The following LRRIQ1 variants were observed in gnomAD, a reference collection of about 807,000 sequenced individuals.
LRRIQ1 encodes leucine rich repeats and IQ motif containing 1, also known as leucine-rich repeat- and IQ domain-containing protein 1.
Under a neutral mutation model 211.9 loss-of-function variants are expected in LRRIQ1, and 210 were observed. The ratio of observed to expected loss-of-function variants is 0.99; its 90% CI spans 0.89 to 1.11. The LOEUF (loss-of-function observed/expected upper bound fraction) is 1.11. Ranked by LOEUF, LRRIQ1 falls within the 50% of genes most tolerant of loss-of-function variation. The probability of loss-of-function intolerance (pLI) is 0.00; values close to 1 mark genes in which losing one functional copy is unlikely to be tolerated. For missense variants in LRRIQ1, 2,136 were observed against 1,939.5 expected (o/e 1.10, Z -1.90); for synonymous variants, 699 against 650.1 (o/e 1.08, Z -1.14).
Position 85,153,664 on chromosome 12 carries a change from T to A in LRRIQ1, c.4543T>A (p.Ser1515Thr). ...AAAGTGGTTTTTTTCTATTGCCAGA[T>A]CAGAAAATAAAACTTCTTCCTGGAC... Reference protein sequence around the residue: ...SSEHTQFNSRSENKTSSWTPE... With the variant: ...SSEHTQFNSRTENKTSSWTPE... Residue 1515 changes from serine (S) to threonine (T), a missense_variant and splice_region_variant, in exon 22 of 27, where the codon TCA becomes ACA. Transcript: ENST00000393217. The A allele has an allele frequency of 6.3e-7, 1 of 1,575,706 alleles. No individual in the cohort carries two copies. Among genetic ancestry groups the A allele is most frequent in the Non-Finnish European group, 8.6e-7 (1 of 1,162,766 alleles).
At chr12:85,108,709 T>C (rs1027427278) in intron 15 of LRRIQ1, among the ~76,000 whole-genome samples, 2 of 152,068 alleles carry the variant, frequency 1.3e-5, no homozygotes, top group Non-Finnish European at 2.9e-5. Context: ...TTTGAGATGG[T>C]TTCACATTAT....
At chr12:85,080,591 C>T (rs577476164) in intron 11 of LRRIQ1, among the ~76,000 whole-genome samples, 1 of 151,330 alleles carries the variant, frequency 6.6e-6, no homozygotes, top group East Asian at 1.9e-4. Flanking sequence ...GTCCTTCAAG[C>T]ACATCTAATA....
chr12:85,233,966 C>T (rs1338129510), intron 26 of LRRIQ1, among the ~76,000 whole-genome samples: 1 of 152,048 alleles, frequency 6.6e-6, no homozygotes, highest in Non-Finnish European at 1.5e-5. Flanking sequence ...CATGGTGGTT[C>T]AGGCCTGTAA....
chr12:85,257,786 C>T (rs938544182), intron 1 of LRRIQ1, among the ~76,000 whole-genome samples: 1 of 151,740 alleles, frequency 6.6e-6, no homozygotes, highest in African/African-American at 2.4e-5. Flanking sequence ...GAAAAACCCT[C>T]CAAGAAAAAA....
intron 15 of LRRIQ1, among the ~76,000 whole-genome samples, chr12:85,120,267 C>T (rs895362812): frequency 1.3e-5 from 2 of 152,070 alleles, no homozygotes; most frequent in African/African-American, 4.8e-5. Flanking sequence ...TTGAGTTGTC[C>T]CAGGACCATT....
intron 17 of LRRIQ1, 87 bp downstream of exon 17, chr12:85,124,606 C>A: frequency 9.9e-7 from 1 of 1,009,940 alleles, no homozygotes. Context: ...TAGTAATTTG[C>A]TGAAGGATTC....
the LRRIQ1 span, among the ~76,000 whole-genome samples, chr12:85,269,500 T>C: frequency 1.3e-5 from 2 of 152,086 alleles, no homozygotes; most frequent in Non-Finnish European, 2.9e-5. Context: ...TACAGAGGTA[T>C]TGGCATTTCA....
chr12:85,074,019 G>A (rs901083766), intron 11 of LRRIQ1, among the ~76,000 whole-genome samples: 1 of 152,028 alleles, frequency 6.6e-6, no homozygotes, highest in Admixed American at 6.6e-5. Context: ...ATTTCACATT[G>A]GTAGTTTCAA....
chr12:85,060,220 A>G (rs374638305), intron 8 of LRRIQ1, among the ~76,000 whole-genome samples: 15 of 152,044 alleles, frequency 9.9e-5, no homozygotes, highest in East Asian at 7.8e-4. Context: ...AGGCAAATGG[A>G]TTGTTTTCGA....
At chr12:85,051,512 A>G (rs761856778) in intron 6 of LRRIQ1, among the ~76,000 whole-genome samples, 68 of 152,308 alleles carry the variant, frequency 4.5e-4, no homozygotes, top group Admixed American at 2.3e-3. Flanking sequence ...ATAAGTGCCA[A>G]AAATGTTTCT....
rs777820635 is a variant in LRRIQ1, at chr12:85,066,876, A to G, written c.2673A>G (p.Ser891=). ...CTAATATTCAGTGTCTTGAACTTTC[A>G]TATAATAAAATTACTCGAATTGGTA... is the stretch of plus-strand genomic sequence containing the variant. The part of the protein sequence containing the change: ...GCTNIQCLEL[S]YNKITRIGYS... Residue 891 remains serine (S), a synonymous_variant, in exon 10 of 27, where the codon TCA becomes TCG. Coordinates refer to ENST00000393217, the MANE Select transcript of LRRIQ1 (RefSeq NM_001079910.2). 2.0e-6 allele frequency: 3 copies of G among 1,517,802 alleles called. No individual in the cohort carries two copies. The highest frequency in any genetic ancestry group is 1.4e-5 in the African/African-American group (1 of 71,648). The allele number at this position is 1,517,802 out of a possible 1,614,324, so 94.0% of individuals were successfully genotyped here.
chr12:85,151,625 A>T (rs1459582389), intron 19 of LRRIQ1, among the ~76,000 whole-genome samples: 1 of 151,698 alleles, frequency 6.6e-6, no homozygotes, highest in Non-Finnish European at 1.5e-5. Flanking sequence ...CATTGTGGAA[A>T]GATAGAGTAA....
intron 23 of LRRIQ1, 108 bp downstream of exon 23, chr12:85,154,202 C>A: frequency 1.9e-6 from 1 of 525,782 alleles, no homozygotes; most frequent in Non-Finnish European, 3.1e-6. Context: ...AATCAATTCA[C>A]AGATGACTAT....
At chr12:85,061,061 C>G (rs1881737366) in intron 8 of LRRIQ1, among the ~76,000 whole-genome samples, 1 of 151,662 alleles carries the variant, frequency 6.6e-6, no homozygotes, top group Non-Finnish European at 1.5e-5. Context: ...TTACATAATT[C>G]TTTATAAGAA....
In LRRIQ1 at chr12:85,230,327, C is replaced by G. The variant is rs561503914; in HGVS notation, c.4955+678C>G. On this transcript the variant is annotated intron_variant, in intron 25 of 26. Coordinates refer to ENST00000393217, the MANE Select transcript of LRRIQ1 (RefSeq NM_001079910.2). ...CACTCAGCTCCAGAGGCTACAAGTTCAAGATCAAGGTGTCAGCAGGTTTAG... is the reference window on the plus strand; with the variant it reads ...CACTCAGCTCCAGAGGCTACAAGTTGAAGATCAAGGTGTCAGCAGGTTTAG... Among the ~76,000 whole-genome samples, 11 of 152,238 alleles carry G rather than the reference C, an allele frequency of 7.2e-5. No individual in the cohort carries two copies. In the South Asian group the frequency reaches 2.1e-3, roughly 29 times the overall value.
chr12:85,172,832 G>A (rs535638462), intron 24 of LRRIQ1, among the ~76,000 whole-genome samples: 1 of 152,134 alleles, frequency 6.6e-6, no homozygotes, highest in East Asian at 1.9e-4. Context: ...ATATTGGCCG[G>A]GTGCAGCAGC....
chr12:85,069,845 T>C (rs1882881078), intron 10 of LRRIQ1, among the ~76,000 whole-genome samples: 2 of 152,138 alleles, frequency 1.3e-5, no homozygotes, highest in African/African-American at 2.4e-5. Flanking sequence ...ATTAGCCCTT[T>C]GTCAGATGAG....
At chr12:85,195,577 C>T (rs1012962005) in intron 24 of LRRIQ1, among the ~76,000 whole-genome samples, 1 of 152,058 alleles carries the variant, frequency 6.6e-6, no homozygotes, top group African/African-American at 2.4e-5. Context: ...ACAAAAACCA[C>T]ATGATTATCT....
chr12:85,131,196 G>T (rs1451862585), intron 18 of LRRIQ1, among the ~76,000 whole-genome samples: 1 of 150,570 alleles, frequency 6.6e-6, no homozygotes, highest in Non-Finnish European at 1.5e-5. Context: ...CTGGGCAACA[G>T]AGTGAGATTT....
Sources: allele counts gnomAD v4.1 joint callset (sites outside exome capture counted in the v4.1 genomes callset), GRCh38; gene constraint gnomAD v4.1.1; transcripts MANE v1.5; gene names NCBI Gene and HGNC (gene_info 2026-07-23, HGNC 2026-07-21).